EXTL3: variants seen among roughly 807,000 people sequenced by gnomAD.
EXTL3 encodes the protein exostosin-like 3.
In EXTL3, 27 loss-of-function variants were observed where a neutral mutation model predicts 69.3. The ratio of observed to expected loss-of-function variants is 0.39; its 90% CI spans 0.29 to 0.54. EXTL3 has a LOEUF of 0.54. EXTL3 is among the 20% of genes least tolerant of loss of function. The pLI is 0.69. For synonymous variants in EXTL3, 511 were observed against 499.4 expected, an observed-to-expected ratio of 1.02 and a Z score of -0.31; for missense variants, 1,003 against 1,231.8, an observed-to-expected ratio of 0.81 and a Z score of 2.78.
Position 28,717,066 on chromosome 8 carries a change from C to T in EXTL3, c.1007C>T (p.Pro336Leu), listed in dbSNP as rs754509210. ...TTCATGGAAATCCCACCACAGGTGC[C>T]GGTGAAGCGGAAATATCTCTTCACC... ...PNFMEIPPQV[P>L]VKRKYLFTFQ... Residue 336 changes from proline (P) to leucine (L), a missense_variant, in exon 3 of 7, where the codon CCG becomes CTG. Around this residue, in one of 2 missense-constraint regions of EXTL3, gnomAD observed 742 missense variants for 815.4 expected, o/e 0.91. Coordinates refer to ENST00000220562, the MANE Select transcript of EXTL3 (RefSeq NM_001440.4). This position sits in a 1 kb window ranked among gnomAD's most constrained non-coding sequence, Gnocchi z 8.3. 1.9e-6 allele frequency: 3 copies of T among 1,614,194 alleles called. No homozygotes were observed. Among genetic ancestry groups the T allele is most frequent in the Admixed American group, 1.7e-5 (1 of 60,026 alleles).
In EXTL3 at chr8:28,712,814, C is replaced by T. The variant is rs114777221; in HGVS notation, c.-569-643C>T. Among the ~76,000 whole-genome samples, 921 of 152,296 alleles carry T rather than the reference C, an allele frequency of 6.0e-3. 10 individuals are homozygous for T. Among genetic ancestry groups the T allele is most frequent in the African/African-American group, 0.021 (864 of 41,568 alleles). On this transcript the variant is annotated intron_variant, in intron 1 of 6. Transcript: ENST00000220562. ...ACATTTGTTTCTGCCCTCAGCTCTG[C>T]TTATATGTAAGTTGGTAGCACTAGA...
intron 5 of EXTL3, chr8:28,740,568 C>CA (rs1248896625): frequency 2.6e-5 from 4 of 152,234 alleles, no homozygotes; most frequent in Non-Finnish European, 4.4e-5. Flanking sequence ...AGGCGTGAGC[C>CA]ACAGCACCCG....
At chr8:28,682,477 C>T (rs1208529635) in intron 1 of EXTL3, among the ~76,000 whole-genome samples, 1 of 152,088 alleles carries the variant, frequency 6.6e-6, no homozygotes, top group Non-Finnish European at 1.5e-5. Flanking sequence ...GAGTCTTGCT[C>T]TGTTGCCCAG....
At chr8:28,721,979 G>C (rs1050537761) in intron 3 of EXTL3, among the ~76,000 whole-genome samples, 1 of 152,142 alleles carries the variant, frequency 6.6e-6, no homozygotes, top group African/African-American at 2.4e-5. Context: ...TTGGCAGCCC[G>C]TCCCTGAGTC....
chr8:28,710,345 A>G (rs370659623), intron 1 of EXTL3: 2 of 395,810 alleles, frequency 5.1e-6, no homozygotes. Context: ...GTTGAGGACA[A>G]GCCTGCAGGA....
chr8:28,654,210 A>G lies in EXTL3; in HGVS notation c.-53+31400A>G, dbSNP rs116309597. On this transcript the variant is annotated intron_variant, in intron 1 of 6. Coordinates refer to the EXTL3 transcript ENST00000523149. ...AAGTTTAGCTAAAAAGGGAGAAAGCAGTATTTATTTTTAATACCAGAATTG... is the reference window on the plus strand; with the variant it reads ...AAGTTTAGCTAAAAAGGGAGAAAGCGGTATTTATTTTTAATACCAGAATTG... Among the ~76,000 whole-genome samples the G allele has an allele frequency of 6.0e-3, 916 of 152,348 alleles. 13 individuals carry two copies. Among genetic ancestry groups the G allele is most frequent in the African/African-American group, 0.021 (886 of 41,584 alleles).
intron 1 of EXTL3, among the ~76,000 whole-genome samples, chr8:28,672,381 G>A (rs1455156715): frequency 7.9e-6 from 1 of 126,152 alleles, no homozygotes; most frequent in African/African-American, 2.9e-5. Flanking sequence ...TCGTGCCACT[G>A]CACTCCAGTC....
rs1801203587 is a variant in EXTL3 at position 28,718,021 on chromosome 8, T to A, written c.1962T>A (p.Leu654=). Residue 654 remains leucine, a synonymous_variant, in exon 3 of 7, where the codon CTT becomes CTA. Coordinates refer to ENST00000220562, the MANE Select transcript of EXTL3 (RefSeq NM_001440.4). The stretch of plus-strand genomic sequence containing the variant: ...CTGGCAAGGAATTTCAGGCAGCGCT[T>A]GGAGGCAATGTTCCCCGAGAGCAGT... The part of the protein sequence containing the change: ...GGSGKEFQAA[L]GGNVPREQFT... 6.2e-7 allele frequency: 1 copy of A among 1,613,870 alleles called. No individual in the cohort carries two copies. Among genetic ancestry groups the A allele is most frequent in the East Asian group, 2.2e-5 (1 of 44,866 alleles).
At chr8:28,646,316 C>T (rs112384153) in intron 1 of EXTL3, among the ~76,000 whole-genome samples, 25 of 152,302 alleles carry the variant, frequency 1.6e-4, no homozygotes, top group African/African-American at 5.5e-4. Context: ...TACTTTCTTG[C>T]GTTGATAACA....
intron 1 of EXTL3, among the ~76,000 whole-genome samples, chr8:28,638,158 T>C (rs138942439): frequency 8.3e-4 from 127 of 152,288 alleles, no homozygotes; most frequent in Middle Eastern, 3.4e-3. Flanking sequence ...ACTCTCCCTG[T>C]ACCCATCTTC....
chr8:28,656,216 C>T (rs1251753008), intron 1 of EXTL3, among the ~76,000 whole-genome samples: 1 of 151,796 alleles, frequency 6.6e-6, no homozygotes, highest in Non-Finnish European at 1.5e-5. Flanking sequence ...GTCATCCAGT[C>T]TGGGGTGCAG....
chr8:28,664,648 T>C (rs1325516780), intron 1 of EXTL3, among the ~76,000 whole-genome samples: 4 of 152,192 alleles, frequency 2.6e-5, no homozygotes, highest in Non-Finnish European at 5.9e-5. Flanking sequence ...GTTCAAGATA[T>C]TCCTTTCCCC....
At position 28,731,246 on chromosome 8, in the gene EXTL3, T is replaced by C; in HGVS notation, c.2172T>C (p.Ser724=). Residue 724 remains serine, a synonymous_variant, in exon 4 of 7, where the codon AGT becomes AGC. Transcript: ENST00000220562. ...PIMVVRTEKN[S]LNNRFLPWNE... ...AGGTGGTCCGTACTGAGAAGAACAG[T>C]TTGAACAACCGATTCTTACCCTGGA... 1.2e-6 allele frequency: 2 copies of C among 1,614,204 alleles called. No homozygotes were observed. The highest frequency in any genetic ancestry group is 1.7e-6 in the Non-Finnish European group (2 of 1,180,024).
chr8:28,662,190 T>G (rs1807127541), intron 1 of EXTL3, among the ~76,000 whole-genome samples: 1 of 152,004 alleles, frequency 6.6e-6, no homozygotes, highest in African/African-American at 2.4e-5. Context: ...CTGGACAAGC[T>G]CTCCTTGAAA....
chr8:28,750,762 G>C lies in EXTL3; in HGVS notation c.2656G>C (p.Val886Leu). ...RHKCINFFVK[V>L]YGYMPLLYTQ... ...CAAGTGCATCAACTTCTTCGTGAAG[G>C]TGTACGGCTACATGCCCCTCCTGTA... The change falls in exon 7 of 7, where the codon GTG (valine) becomes CTG (leucine). Residue 886 changes from valine to leucine, a missense_variant. Around this residue, in one of 2 missense-constraint regions of EXTL3, gnomAD observed 261 missense variants for 416.4 expected, o/e 0.63. Coordinates refer to ENST00000220562, the MANE Select transcript of EXTL3 (RefSeq NM_001440.4). This position sits in a 1 kb window ranked among gnomAD's most constrained non-coding sequence, Gnocchi z 5.2. The C allele has an allele frequency of 6.2e-7, 1 of 1,614,198 alleles. No homozygotes were observed. Among genetic ancestry groups the C allele is most frequent in the Non-Finnish European group, 8.5e-7 (1 of 1,180,028 alleles).
In EXTL3 at chr8:28,674,952, C is replaced by T. The variant is rs2083083; in HGVS notation, c.-52-38505C>T. On this transcript the variant is annotated intron_variant, in intron 1 of 6. Transcript: ENST00000523149. ...ACACAATGTTGAACTCCTCAGGACCCACCCCACCACTCCTCTTTGTTAGAC... is the reference window on the plus strand; with the variant it reads ...ACACAATGTTGAACTCCTCAGGACCTACCCCACCACTCCTCTTTGTTAGAC... Among the ~76,000 whole-genome samples, 524 of 152,278 alleles carry T rather than the reference C, an allele frequency of 3.4e-3. 1 individual carries two copies. Among genetic ancestry groups the T allele is most frequent in the Middle Eastern group, 0.034 (10 of 294 alleles).
intron 1 of EXTL3, among the ~76,000 whole-genome samples, chr8:28,649,343 A>C (rs146918903): frequency 6.6e-6 from 1 of 152,238 alleles, no homozygotes; most frequent in Non-Finnish European, 1.5e-5. Context: ...GTCCCAGTTG[A>C]TGGTGTGTAT....
In EXTL3 at chr8:28,668,358, GTC is replaced by G. The variant is rs1807231978; in HGVS notation, c.-52-45096_-52-45095del. On this transcript the variant is annotated intron_variant, in intron 1 of 6. Transcript: ENST00000523149. ...TTTTTTTTTTTTTTTTTGAGACAGA[GTC>G]TCACTCTGTCACCCAGGCTGGAGTG... Among the ~76,000 whole-genome samples, 19 of 113,300 alleles carry G rather than the reference GTC, an allele frequency of 1.7e-4. 1 individual carries two copies. Among genetic ancestry groups the G allele is most frequent in the Admixed American group, 1.6e-3 (14 of 8,912 alleles). 74.3% of individuals were successfully genotyped at this position (113,300 alleles called of 152,430 possible). A position where few individuals can be genotyped will look rare whatever the true frequency, so the allele number is the denominator to read the frequency against.
At chr8:28,688,307 C>T (rs537528430) in intron 1 of EXTL3, among the ~76,000 whole-genome samples, 10 of 152,196 alleles carry the variant, frequency 6.6e-5, no homozygotes, top group African/African-American at 1.9e-4. Context: ...TCAGGTGATC[C>T]GTCCACCTTG....
Sources: allele counts gnomAD v4.1 joint callset (sites outside exome capture counted in the v4.1 genomes callset), GRCh38; gene constraint gnomAD v4.1.1; regional missense constraint gnomAD v4.1.1; non-coding constraint Gnocchi (gnomAD v3.1); transcripts MANE v1.5; gene names NCBI Gene and HGNC (gene_info 2026-07-23, HGNC 2026-07-21).